The following FBXO11 variants were observed in gnomAD, a reference collection of about 807,000 sequenced individuals.
The protein encoded by FBXO11 is F-box protein 11, also known as F-box only protein 11.
A neutral mutation model predicts 117.0 loss-of-function variants in FBXO11; 13 were observed. The observed-to-expected ratio is 0.11, with a 90% CI of 0.07 to 0.18. The LOEUF (loss-of-function observed/expected upper bound fraction) is 0.18. Ranked by LOEUF, FBXO11 falls within the 10% of genes least tolerant of loss-of-function variation. The probability of loss-of-function intolerance (pLI) is 1.00; values close to 1 mark genes in which losing one functional copy is unlikely to be tolerated. For synonymous variants in FBXO11, 490 were observed against 380.5 expected (o/e 1.29, Z -3.35); for missense variants, 767 against 1,164.4 (o/e 0.66, Z 4.97).
intron 1 of FBXO11, among the ~76,000 whole-genome samples, chr2:47,855,696 G>T (rs936232572): frequency 2.0e-5 from 3 of 152,152 alleles, no homozygotes. Flanking sequence ...GCCAGGCATG[G>T]TGGTGCATGC....
intron 20 of FBXO11, 57 bp downstream of exon 20, chr2:47,809,543 T>C: frequency 7.8e-7 from 1 of 1,277,988 alleles, no homozygotes; most frequent in Admixed American, 2.0e-5. Context: ...AAACGGCTTC[T>C]GATTATCTTT....
intron 1 of FBXO11, among the ~76,000 whole-genome samples, chr2:47,899,723 C>T (rs1677955528): frequency 6.6e-6 from 1 of 152,094 alleles, no homozygotes; most frequent in Non-Finnish European, 1.5e-5. Flanking sequence ...CCAACAAAGT[C>T]ACATACTATA....
At position 47,839,672 on chromosome 2, in the gene FBXO11, T is replaced by A; in HGVS notation, c.330A>T (p.Arg110Ser). Residue 110 changes from arginine (R) to serine (S), a missense_variant, in exon 2 of 23, where the codon AGA becomes AGT. Coordinates refer to ENST00000403359, the MANE Select transcript of FBXO11 (RefSeq NM_001190274.2). ...TACTGTTCTTTGTGGGACACGCTGT[T>A]CTTTTCGGCAAAAGAGTTTTTCTAC... ...QLRRKTLLPK[R>S]TACPTKNSME... 6.2e-7 allele frequency: 1 copy of A among 1,614,206 alleles called. No homozygotes were observed. Among genetic ancestry groups the A allele is most frequent in the Non-Finnish European group, 8.5e-7 (1 of 1,180,040 alleles).
chr2:47,839,412 G>A lies in FBXO11; in HGVS notation c.442+7C>T. 6.2e-7 allele frequency: 1 copy of A among 1,606,434 alleles called. No homozygotes were observed. The highest frequency in any genetic ancestry group is 8.5e-7 in the Non-Finnish European group (1 of 1,177,866). On this transcript the variant is annotated splice_region_variant and intron_variant, in intron 3 of 22. Coordinates refer to ENST00000403359, the MANE Select transcript of FBXO11 (RefSeq NM_001190274.2). ...TACCCTATTTGTTACTTTCCCACAG[G>A]AAATACCTGATAGATCTTGTGATTT...
chr2:47,872,823 A>G (rs1013005388), intron 1 of FBXO11, among the ~76,000 whole-genome samples: 9 of 152,176 alleles, frequency 5.9e-5, no homozygotes, highest in Admixed American at 4.6e-4. Flanking sequence ...ATTCCACTCT[A>G]AATTTTTGTT....
Position 47,905,750 on chromosome 2 carries a change from A to T in FBXO11, c.-30T>A. Reference sequence around the variant, plus strand: ...CGGGCTGAGGTGGCGGCGTTGGCGGAGGGACACACACACGCACACGCACAG... The same window carrying T: ...CGGGCTGAGGTGGCGGCGTTGGCGGTGGGACACACACACGCACACGCACAG... On this transcript the variant is annotated 5_prime_UTR_variant, in exon 1 of 23. Transcript: ENST00000403359. The T allele has an allele frequency of 7.1e-7, 1 of 1,410,696 alleles. No individual in the cohort carries two copies. Among genetic ancestry groups the T allele is most frequent in the East Asian group, 3.5e-5 (1 of 28,696 alleles). 87.4% of individuals were successfully genotyped at this position (1,410,696 alleles called of 1,614,324 possible).
At chr2:47,884,928 G>A (rs558956688) in intron 1 of FBXO11, among the ~76,000 whole-genome samples, 5 of 152,116 alleles carry the variant, frequency 3.3e-5, no homozygotes, top group South Asian at 2.1e-4. Flanking sequence ...TTTCTATTGC[G>A]CATCATAAGT....
intron 1 of FBXO11, among the ~76,000 whole-genome samples, chr2:47,861,505 AGAG>A (rs1674774376): frequency 6.6e-6 from 1 of 151,918 alleles, no homozygotes; most frequent in Non-Finnish European, 1.5e-5. Flanking sequence ...TTTTTTTTGG[AGAG>A]ATGGTGTCTT....
intron 1 of FBXO11, among the ~76,000 whole-genome samples, chr2:47,857,790 C>T (rs372580598): frequency 2.6e-5 from 4 of 152,236 alleles, no homozygotes; most frequent in East Asian, 3.9e-4. Context: ...AACTGGCAGA[C>T]GCAGGACTAC....
At position 47,832,385 on chromosome 2, in the gene FBXO11, T is replaced by C; in HGVS notation, c.1362A>G (p.Gly454=). ...CAAATGTGAACACACCAACATCACG[T>C]CCATGATGAATATGATTCCGTCTAA... The part of the protein sequence containing the change: ...PIIRRNHIHH[G]RDVGVFTFDH... Residue 454 remains glycine (G), a synonymous_variant, in exon 11 of 23, where the codon GGA becomes GGG. Transcript: ENST00000403359. The C allele has an allele frequency of 6.2e-7, 1 of 1,613,202 alleles. No homozygotes were observed. The highest frequency in any genetic ancestry group is 8.5e-7 in the Non-Finnish European group (1 of 1,179,470).
chr2:47,834,440 A>C, intron 7 of FBXO11, 139 bp downstream of exon 7: 1 of 612,104 alleles, frequency 1.6e-6, no homozygotes, highest in East Asian at 3.0e-5. Flanking sequence ...TCCTTCACTT[A>C]AAATATGTGT....
At position 47,900,762 on chromosome 2, in the gene FBXO11, GTA is replaced by G. The variant is rs746619617; in HGVS notation, c.232+4725_232+4726del. On this transcript the variant is annotated intron_variant, in intron 1 of 22. Transcript: ENST00000403359. ...TATATATACACGTATACACACACGT[GTA>G]TATATATACACGTATACACACACGT... is the stretch of plus-strand genomic sequence containing the variant. Among the ~76,000 whole-genome samples the G allele has an allele frequency of 3.1e-4, 26 of 84,534 alleles. 1 individual carries two copies. Among genetic ancestry groups the G allele is most frequent in the African/African-American group, 9.8e-4 (20 of 20,408 alleles). 55.5% of individuals were successfully genotyped at this position (84,534 alleles called of 152,430 possible).
rs200534349 is a variant in FBXO11, at chr2:47,819,127, C to T, written c.1798-49G>A. On this transcript the variant is annotated intron_variant, in intron 14 of 22. Coordinates refer to ENST00000403359, the MANE Select transcript of FBXO11 (RefSeq NM_001190274.2). ...TAATATTTATCTTCTATAAGCAAGG[C>T]GTTTATAGTCTGTTACCCCCTTTAT... is the stretch of plus-strand genomic sequence containing the variant. 3.0e-4 allele frequency: 469 copies of T among 1,580,304 alleles called. 2 individuals carry two copies. The highest frequency in any genetic ancestry group is 2.3e-3 in the Admixed American group (126 of 54,580).
chr2:47,869,903 C>T (rs1382936486), intron 1 of FBXO11, among the ~76,000 whole-genome samples: 1 of 152,182 alleles, frequency 6.6e-6, no homozygotes, highest in East Asian at 1.9e-4. Flanking sequence ...TCTTGAACTC[C>T]TGACCTCAGG....
intron 4 of FBXO11, 120 bp from the exon 5 acceptor site, chr2:47,836,121 C>A (rs1385878789): frequency 8.3e-6 from 5 of 601,604 alleles, no homozygotes; most frequent in Non-Finnish European, 1.3e-5. Flanking sequence ...TAAGAATAGA[C>A]AAAAATGAAT....
chr2:47,849,243 G>A lies in FBXO11; in HGVS notation c.233-9474C>T, dbSNP rs141354799. ...CTTAAAATTTAAATATTTTATAATAGAGATCCCAAAAGTAAAGTTATAATT... is the reference window on the plus strand; with the variant it reads ...CTTAAAATTTAAATATTTTATAATAAAGATCCCAAAAGTAAAGTTATAATT... On this transcript the variant is annotated intron_variant, in intron 1 of 22. Transcript: ENST00000403359. 4.2e-4 allele frequency among the ~76,000 whole-genome samples: 64 copies of A among 152,114 alleles called. 3 individuals carry two copies. In the East Asian group the frequency reaches 0.012, roughly 29 times the overall value.
intron 11 of FBXO11, 65 bp from the exon 12 acceptor site, chr2:47,823,425 A>T (rs1671522131): frequency 8.1e-7 from 1 of 1,235,618 alleles, no homozygotes; most frequent in Non-Finnish European, 1.1e-6. Context: ...ATGCCATTTA[A>T]AAAACATTTC....
In FBXO11 at chr2:47,807,995, T is replaced by TTG; in HGVS notation, c.*121_*122dup. The TTG allele has an allele frequency of 2.3e-6, 2 of 867,386 alleles. No homozygotes were observed. Among genetic ancestry groups the TTG allele is most frequent in the South Asian group, 3.4e-5 (2 of 58,988 alleles). 53.7% of individuals were successfully genotyped at this position (867,386 alleles called of 1,614,324 possible). On this transcript the variant is annotated 3_prime_UTR_variant, in exon 23 of 23. Transcript: ENST00000403359. Reference sequence around the variant, plus strand: ...TTGAGCTTCATAGTGTCAACTGACCTTGTGTATCCATTTTTAATACAGTCT... The same window carrying TTG: ...TTGAGCTTCATAGTGTCAACTGACCTTGTGTGTATCCATTTTTAATACAGTCT...
At chr2:47,905,371 GGGTCTCCCACCCCCAGGGCGCGCA>G in intron 1 of FBXO11, 94 bp downstream of exon 1, 1 of 999,130 alleles carries the variant, frequency 1.0e-6, no homozygotes, top group African/African-American at 1.7e-5. Context: ...CGCTCAGCTT[GGGTCTCCCACCCCCAGGGCGCGCA>G]GGCCGCCCCC....
Sources: gnomAD v4.1 joint callset for allele counts (sites outside exome capture counted in the v4.1 genomes callset) on GRCh38, gnomAD v4.1.1 for gene constraint, MANE v1.5 for transcripts, NCBI Gene and HGNC (gene_info 2026-07-23, HGNC 2026-07-21) for gene names.